EFCAB6: variants seen among roughly 807,000 people sequenced by gnomAD.
EFCAB6 encodes the protein EF-hand calcium-binding domain-containing protein 6.
In EFCAB6, 156 loss-of-function variants were observed where a neutral mutation model predicts 169.8. The observed-to-expected ratio is 0.92, with a 90% CI of 0.81 to 1.05. The LOEUF is 1.05. EFCAB6 is among the 50% of genes least tolerant of loss of function. The pLI is 0.00. For missense variants in EFCAB6, 1,800 were observed against 1,829.1 expected (o/e 0.98, Z 0.29); for synonymous variants, 698 against 676.4 (o/e 1.03, Z -0.50).
intron 23 of EFCAB6, among the ~76,000 whole-genome samples, chr22:43,597,859 G>A (rs1167366996): frequency 2.6e-5 from 4 of 152,166 alleles, no homozygotes; most frequent in African/African-American, 9.7e-5. Context: ...TAAAGAAAAT[G>A]TGGCACACAT....
At chr22:43,675,392 TATATA>T (rs1417650323) in intron 13 of EFCAB6, among the ~76,000 whole-genome samples, 5 of 112,562 alleles carry the variant, frequency 4.4e-5, no homozygotes, top group East Asian at 2.8e-4. Flanking sequence ...TATACTATAA[TATATA>T]ATATAATATA....
chr22:43,594,995 C>G (rs12628183), intron 23 of EFCAB6, among the ~76,000 whole-genome samples: 1 of 151,806 alleles, frequency 6.6e-6, no homozygotes, highest in African/African-American at 2.4e-5. Flanking sequence ...TGTACAAATA[C>G]GTAGAAATTA....
chr22:43,608,425 C>T (rs12485238), intron 22 of EFCAB6, 57 bp downstream of exon 22: 4 of 1,511,746 alleles, frequency 2.6e-6, no homozygotes, highest in African/African-American at 1.4e-5. Flanking sequence ...GAATTTGCCA[C>T]AGCAAGCACC....
chr22:43,755,622 C>G (rs1383617615), intron 6 of EFCAB6, 144 bp downstream of exon 6: 1 of 735,326 alleles, frequency 1.4e-6, no homozygotes, highest in Non-Finnish European at 2.2e-6. Context: ...GGCTTGTTAT[C>G]AGAAGATCTA....
intron 13 of EFCAB6, among the ~76,000 whole-genome samples, chr22:43,676,772 G>A (rs1316814519): frequency 6.6e-6 from 1 of 152,132 alleles, no homozygotes; most frequent in East Asian, 1.9e-4. Context: ...CAAGAAGTAT[G>A]CCATAAACTC....
At chr22:43,692,055 G>A (rs996981577) in intron 10 of EFCAB6, among the ~76,000 whole-genome samples, 3 of 152,236 alleles carry the variant, frequency 2.0e-5, no homozygotes, top group Admixed American at 1.3e-4. Context: ...AGAGAAAGAA[G>A]AAATCCTGGA....
chr22:43,534,814 T>G lies in EFCAB6; in HGVS notation c.4107A>C (p.Ile1369=). Residue 1369 remains isoleucine, a synonymous_variant, in exon 30 of 32, where the codon ATA becomes ATC. Coordinates refer to ENST00000262726, the MANE Select transcript of EFCAB6 (RefSeq NM_022785.4). ...TCCCGTTGCTCTTTAAGTCGTATTT[T>G]ATAATGAGCTGCTGACACTCCTCTT... ...ISKEECQQLI[I]KYDLKSNGKF... 4 of 1,614,082 alleles carry G rather than the reference T, an allele frequency of 2.5e-6. No homozygotes were observed. Among genetic ancestry groups the G allele is most frequent in the Admixed American group, 1.7e-5 (1 of 60,002 alleles).
rs375566793 is a variant in EFCAB6 at position 43,689,349 on chromosome 22, G to GCACAAACAAA, written c.1032-1769_1032-1768insTTTGTTTGTG. Reference sequence around the variant, plus strand: ...GTGGGCCACGTGAGGGAGAGCACGTGCACACACACACACACACACACACAC... The same window carrying GCACAAACAAA: ...GTGGGCCACGTGAGGGAGAGCACGTGCACAAACAAACACACACACACACACACACACACAC... On this transcript the variant is annotated intron_variant, in intron 10 of 31. Coordinates refer to ENST00000262726, the MANE Select transcript of EFCAB6 (RefSeq NM_022785.4). Among the ~76,000 whole-genome samples, 85 of 147,072 alleles carry GCACAAACAAA rather than the reference G, an allele frequency of 5.8e-4. 1 individual carries two copies. The highest frequency in any genetic ancestry group is 2.1e-3 in the African/African-American group (83 of 39,298).
At chr22:43,676,391 C>T (rs897726568) in intron 13 of EFCAB6, among the ~76,000 whole-genome samples, 22 of 148,824 alleles carry the variant, frequency 1.5e-4, no homozygotes, top group Non-Finnish European at 3.3e-4. Context: ...TGCACTCCAG[C>T]CTGGGCGACA....
intron 24 of EFCAB6, among the ~76,000 whole-genome samples, chr22:43,582,360 A>ACG (rs2050783888): frequency 6.6e-6 from 1 of 151,954 alleles, no homozygotes; most frequent in African/African-American, 2.4e-5. Flanking sequence ...ACACACACAC[A>ACG]CACACACATA....
intron 4 of EFCAB6, among the ~76,000 whole-genome samples, chr22:43,771,593 T>C (rs1445719786): frequency 6.6e-6 from 1 of 152,118 alleles, no homozygotes; most frequent in Non-Finnish European, 1.5e-5. Context: ...TTTTGATCAT[T>C]ACAGACTGAT....
Position 43,626,514 on chromosome 22 carries a change from G to A in EFCAB6, c.2398C>T (p.Arg800Trp), listed in dbSNP as rs6006514. The change falls in exon 20 of 32, where the codon CGG becomes TGG. Residue 800 changes from arginine to tryptophan, a missense_variant. Coordinates refer to ENST00000262726, the MANE Select transcript of EFCAB6 (RefSeq NM_022785.4). ...GLRLSVTLNF[R>W]EFQNLCEKRP... ...TTCTCACACAAATTTTGAAATTCCC[G>A]AAAATTTAAAGTGACACTAAGTCTC... 5.9e-3 allele frequency: 9,454 copies of A among 1,614,032 alleles called. 482 individuals carry two copies. In the African/African-American group the frequency reaches 0.11, roughly 19 times the overall value.
intron 9 of EFCAB6, among the ~76,000 whole-genome samples, chr22:43,715,360 A>T (rs5764233): frequency 0.44 from 67,502 of 151,884 alleles, 15,344 homozygotes; most frequent in Middle Eastern, 0.51. Context: ...CAGTGTCCTC[A>T]GCTGGACGAT....
intron 10 of EFCAB6, among the ~76,000 whole-genome samples, chr22:43,708,027 T>C (rs1409644893): frequency 2.4e-5 from 2 of 84,178 alleles, no homozygotes; most frequent in Non-Finnish European, 4.9e-5. Context: ...ACTATAAGAA[T>C]AGAAATAAGA....
At chr22:43,749,296 C>A (rs2060672775) in intron 6 of EFCAB6, among the ~76,000 whole-genome samples, 1 of 152,080 alleles carries the variant, frequency 6.6e-6, no homozygotes, top group Non-Finnish European at 1.5e-5. Context: ...TCTGTGGACA[C>A]TGGTGAGTCT....
At chr22:43,690,343 CA>C (rs137802) in intron 10 of EFCAB6, among the ~76,000 whole-genome samples, 3,411 of 95,768 alleles carry the variant, frequency 0.036, 119 homozygotes, top group African/African-American at 0.13. Context: ...ACTAAAAATA[CA>C]AAAAAAAAAA....
intron 17 of EFCAB6, among the ~76,000 whole-genome samples, chr22:43,645,685 G>T (rs536508826): frequency 6.6e-6 from 1 of 152,028 alleles, no homozygotes; most frequent in Admixed American, 6.6e-5. Flanking sequence ...GTATATTTCC[G>T]CATTGTGCAT....
At chr22:43,623,778 G>T (rs1482551585) in intron 20 of EFCAB6, among the ~76,000 whole-genome samples, 1 of 151,122 alleles carries the variant, frequency 6.6e-6, no homozygotes, top group Non-Finnish European at 1.5e-5. Context: ...GCATTGTGGT[G>T]GGCGCCTGTA....
intron 26 of EFCAB6, among the ~76,000 whole-genome samples, chr22:43,555,927 T>C (rs904159975): frequency 2.6e-5 from 4 of 152,200 alleles, no homozygotes; most frequent in African/African-American, 9.7e-5. Context: ...AGAGGGCTTG[T>C]GGCCAGGTGA....
Sources: allele counts gnomAD v4.1 joint callset (sites outside exome capture counted in the v4.1 genomes callset), GRCh38; gene constraint gnomAD v4.1.1; transcripts MANE v1.5; gene names NCBI Gene and HGNC (gene_info 2026-07-23, HGNC 2026-07-21).